Variants in ANGPTL2 observed in about 807,000 individuals in gnomAD.
The protein encoded by ANGPTL2 is angiopoietin like 2, also known as angiopoietin-related protein 2.
A neutral mutation model predicts 52.8 loss-of-function variants in ANGPTL2; 25 were observed. That is an observed-to-expected ratio of 0.47 (90% CI 0.35 to 0.66). The LOEUF (loss-of-function observed/expected upper bound fraction) is 0.66. Ranked by LOEUF, ANGPTL2 falls within the 30% of genes least tolerant of loss-of-function variation. The pLI is 0.01. For missense variants in ANGPTL2, 546 were observed against 656.9 expected, an observed-to-expected ratio of 0.83 and a Z score of 1.84; for synonymous variants, 276 against 277.4, an observed-to-expected ratio of 1.00 and a Z score of 0.05.
chr9:127,101,366 A>G (rs1308698054), intron 2 of ANGPTL2, among the ~76,000 whole-genome samples: 2 of 152,178 alleles, frequency 1.3e-5, no homozygotes, highest in African/African-American at 4.8e-5. Flanking sequence ...ACACCACATT[A>G]GGATTGTTGG....
In ANGPTL2 at chr9:127,088,703, TG is replaced by T; in HGVS notation, c.*235del. ...TTAAAGAAAGAGTTGTCTGTAGTCC[TG>T]TCCTGTCCTGGAGACATGAGGGGCT... On this transcript the variant is annotated 3_prime_UTR_variant, in exon 5 of 5. Coordinates refer to ENST00000373425, the MANE Select transcript of ANGPTL2 (RefSeq NM_012098.3). 1 of 574,616 alleles carries T rather than the reference TG, an allele frequency of 1.7e-6. No individual in the cohort carries two copies. The highest frequency in any genetic ancestry group is 2.9e-5 in the East Asian group (1 of 34,274). The allele number at this position is 574,616 out of a possible 1,614,324, so 35.6% of individuals were successfully genotyped here. A position where few individuals can be genotyped will look rare whatever the true frequency, so the allele number is the denominator to read the frequency against.
intron 1 of ANGPTL2, among the ~76,000 whole-genome samples, chr9:127,112,973 G>A (rs1253200051): frequency 6.6e-6 from 1 of 152,222 alleles, no homozygotes; most frequent in African/African-American, 2.4e-5. Context: ...TCAAAAAGGT[G>A]TAGGGGTAGC....
chr9:127,091,986 G>T lies in ANGPTL2; in HGVS notation c.1012-46C>A, dbSNP rs767276881. On this transcript the variant is annotated intron_variant, in intron 3 of 4. Coordinates refer to ENST00000373425, the MANE Select transcript of ANGPTL2 (RefSeq NM_012098.3). The surrounding 1 kb of genome is among the most constrained non-coding windows in gnomAD (Gnocchi z 4.3). ...TGTTAATGTGGAGCCTGCAGCACCT[G>T]CAGCCAGCAGGCTTGGCTGTCAGAC... 1 of 1,593,644 alleles carries T rather than the reference G, an allele frequency of 6.3e-7. No individual in the cohort carries two copies. Among genetic ancestry groups the T allele is most frequent in the Non-Finnish European group, 8.6e-7 (1 of 1,168,128 alleles).
In ANGPTL2 at chr9:127,091,569, C is replaced by A. The variant is rs1200026672; in HGVS notation, c.1282+101G>T. The A allele has an allele frequency of 4.7e-6, 7 of 1,491,068 alleles. No homozygotes were observed. Among genetic ancestry groups the A allele is most frequent in the Non-Finnish European group, 6.3e-6 (7 of 1,109,926 alleles). 92.4% of individuals were successfully genotyped at this position (1,491,068 alleles called of 1,614,324 possible). ...GGCAGCTTGGCCCAGCTGCTTCTCA[C>A]CCTGGGATCTTCCCGTTTCCAAGCC... On this transcript the variant is annotated intron_variant, in intron 4 of 4. Coordinates refer to ENST00000373425, the MANE Select transcript of ANGPTL2 (RefSeq NM_012098.3). This position sits in a 1 kb window ranked among gnomAD's most constrained non-coding sequence, Gnocchi z 4.3.
chr9:127,113,004 G>A (rs187287675), intron 1 of ANGPTL2, among the ~76,000 whole-genome samples: 3 of 152,286 alleles, frequency 2.0e-5, no homozygotes, highest in Middle Eastern at 3.4e-3. Flanking sequence ...GTCATGTTGC[G>A]AGCAGTGGGA....
chr9:127,120,827 CAAAAA>C (rs968011060), intron 1 of ANGPTL2, among the ~76,000 whole-genome samples: 3 of 121,940 alleles, frequency 2.5e-5, no homozygotes, highest in African/African-American at 6.1e-5. Flanking sequence ...GACTCCATCT[CAAAAA>C]AAAAAAAAAA....
intron 1 of ANGPTL2, among the ~76,000 whole-genome samples, chr9:127,121,601 T>C (rs1477200162): frequency 6.6e-6 from 1 of 152,230 alleles, no homozygotes; most frequent in Non-Finnish European, 1.5e-5. Context: ...TAATACTGAG[T>C]GCTTTCAGGC....
chr9:127,104,381 G>A (rs928138496), intron 2 of ANGPTL2, among the ~76,000 whole-genome samples: 1 of 152,228 alleles, frequency 6.6e-6, no homozygotes, highest in African/African-American at 2.4e-5. Context: ...CAGAACCCAG[G>A]TGCCTGCTCT....
chr9:127,099,776 G>C (rs2053536563), intron 2 of ANGPTL2, among the ~76,000 whole-genome samples: 1 of 152,216 alleles, frequency 6.6e-6, no homozygotes, highest in Non-Finnish European at 1.5e-5. Context: ...GGTCCCAAAG[G>C]CATTTCAGTT....
rs762628264 is a variant in ANGPTL2, at chr9:127,108,549, G to T, written c.183C>A (p.Pro61=). Residue 61 remains proline (P), a synonymous_variant, in exon 2 of 5, where the codon CCC becomes CCA. Transcript: ENST00000373425. ...AGATGGCACCCGTGACCCGCTGCTG[G>T]GGCACAATGAAGGTGTAGGTGCACT... ...QDKCTYTFIV[P]QQRVTGAICV... is the part of the protein sequence containing the mutation. 2 of 1,613,262 alleles carry T rather than the reference G, an allele frequency of 1.2e-6. No individual in the cohort carries two copies. The highest frequency in any genetic ancestry group is 2.7e-5 in the African/African-American group (2 of 74,604).
chr9:127,107,377 T>C (rs1433268026), intron 2 of ANGPTL2, among the ~76,000 whole-genome samples: 1 of 152,238 alleles, frequency 6.6e-6, no homozygotes, highest in Non-Finnish European at 1.5e-5. Flanking sequence ...GGAAGCATCA[T>C]TGAAAATTCT....
chr9:127,119,753 G>A (rs185453524), intron 1 of ANGPTL2, among the ~76,000 whole-genome samples: 14 of 152,308 alleles, frequency 9.2e-5, no homozygotes, highest in East Asian at 1.9e-4. Flanking sequence ...GACCATGTGC[G>A]TTACACATTT....
chr9:127,112,797 T>G (rs1450244321), intron 1 of ANGPTL2, among the ~76,000 whole-genome samples: 2 of 152,238 alleles, frequency 1.3e-5, no homozygotes, highest in African/African-American at 4.8e-5. Context: ...ATGCTGGGTG[T>G]GGGCCAGGCA....
At chr9:127,097,427 C>T (rs1288259794) in intron 2 of ANGPTL2, among the ~76,000 whole-genome samples, 2 of 152,242 alleles carry the variant, frequency 1.3e-5, no homozygotes, top group Non-Finnish European at 2.9e-5. Context: ...GCCCCATTAG[C>T]TTCCATCAAA....
intron 2 of ANGPTL2, among the ~76,000 whole-genome samples, chr9:127,097,153 GGT>G (rs770908680): frequency 3.3e-5 from 5 of 152,126 alleles, no homozygotes; most frequent in Admixed American, 2.6e-4. Context: ...TCTTTGTCGA[GGT>G]GTAAAACTTT....
chr9:127,107,647 T>C (rs2054348053), intron 2 of ANGPTL2, among the ~76,000 whole-genome samples: 1 of 152,182 alleles, frequency 6.6e-6, no homozygotes, highest in Non-Finnish European at 1.5e-5. Context: ...CTGGGTTCTT[T>C]CCTGTCAGAA....
At position 127,088,064 on chromosome 9, in the gene ANGPTL2, G is replaced by A. The variant is rs1039414892; in HGVS notation, c.*875C>T. On this transcript the variant is annotated 3_prime_UTR_variant, in exon 5 of 5. Coordinates refer to ENST00000373425, the MANE Select transcript of ANGPTL2 (RefSeq NM_012098.3). ...GAGGAATCTCGCCTGGAAAGAAGGG[G>A]CTGTGCGACAGAAAAGGCAAGGAGT... is the stretch of plus-strand genomic sequence containing the variant. 3 of 152,616 alleles carry A rather than the reference G, an allele frequency of 2.0e-5. No individual in the cohort carries two copies. Among genetic ancestry groups the A allele is most frequent in the African/African-American group, 7.2e-5 (3 of 41,420 alleles). 9.5% of individuals were successfully genotyped at this position (152,616 alleles called of 1,614,324 possible).
chr9:127,095,704 G>C (rs568583253), intron 2 of ANGPTL2, among the ~76,000 whole-genome samples: 20 of 152,196 alleles, frequency 1.3e-4, no homozygotes, highest in Non-Finnish European at 2.8e-4. Context: ...GGTATACTCA[G>C]CTTTTCTGGT....
At chr9:127,113,148 A>G (rs529080495) in intron 1 of ANGPTL2, among the ~76,000 whole-genome samples, 97 of 152,196 alleles carry the variant, frequency 6.4e-4, no homozygotes, top group Non-Finnish European at 1.2e-3. Context: ...GGCGCCTGAC[A>G]TACATTGTCC....
Sources: gnomAD v4.1 joint callset for allele counts (sites outside exome capture counted in the v4.1 genomes callset) on GRCh38, gnomAD v4.1.1 for gene constraint, Gnocchi (gnomAD v3.1) non-coding constraint, MANE v1.5 for transcripts, NCBI Gene and HGNC (gene_info 2026-07-23, HGNC 2026-07-21) for gene names.